GRM7: variants seen among roughly 807,000 people sequenced by gnomAD.
The protein encoded by GRM7 is glutamate metabotropic receptor 7, also known as metabotropic glutamate receptor 7.
In GRM7, 35 loss-of-function variants were observed where a neutral mutation model predicts 84.5. That is an observed-to-expected ratio of 0.41 (90% confidence interval 0.32 to 0.55). The LOEUF (loss-of-function observed/expected upper bound fraction) is 0.55, where lower values mean the gene tolerates loss of function less well. Ranked by LOEUF, GRM7 falls within the 20% of genes least tolerant of loss-of-function variation. GRM7 has a pLI of 0.19. For synonymous variants in GRM7, 487 were observed against 455.1 expected, an observed-to-expected ratio of 1.07 and a Z score of -0.89; for missense variants, 1,003 against 1,194.6, an observed-to-expected ratio of 0.84 and a Z score of 2.36.
intron 1 of GRM7, among the ~76,000 whole-genome samples, chr3:7,066,038 G>A (rs1349714230): frequency 6.6e-6 from 1 of 151,754 alleles, no homozygotes; most frequent in Non-Finnish European, 1.5e-5. Context: ...GGTGCCAAGA[G>A]GAAAGTTCAT....
chr3:7,280,519 A>T (rs1699217315), intron 2 of GRM7, among the ~76,000 whole-genome samples: 1 of 152,162 alleles, frequency 6.6e-6, no homozygotes, highest in South Asian at 2.1e-4. Flanking sequence ...GTATGTGATG[A>T]CTTTGCACTT....
chr3:6,899,587 A>G (rs1696313407), intron 1 of GRM7, among the ~76,000 whole-genome samples: 1 of 152,180 alleles, frequency 6.6e-6, no homozygotes, highest in African/African-American at 2.4e-5. Flanking sequence ...CAAAATGGGA[A>G]GTCGTAAAAG....
intron 7 of GRM7, among the ~76,000 whole-genome samples, chr3:7,477,670 C>T (rs759163117): frequency 2.0e-5 from 3 of 152,082 alleles, no homozygotes; most frequent in Non-Finnish European, 4.4e-5. Flanking sequence ...ATGTGATCAA[C>T]GCGAAGAAAC....
intron 7 of GRM7, among the ~76,000 whole-genome samples, chr3:7,467,748 A>ATATTTATT (rs1698521343): frequency 1.3e-5 from 2 of 152,330 alleles, no homozygotes; most frequent in Non-Finnish European, 1.5e-5. Context: ...CAATAAATTA[A>ATATTTATT]GACAATTTAT....
chr3:7,305,160 C>T (rs1213058268), intron 3 of GRM7, among the ~76,000 whole-genome samples: 1 of 152,160 alleles, frequency 6.6e-6, no homozygotes, highest in East Asian at 1.9e-4. Context: ...AGTGTCTTAA[C>T]ATTTCAATTT....
At chr3:7,690,562 C>A (rs940219220) in intron 9 of GRM7, among the ~76,000 whole-genome samples, 3 of 152,152 alleles carry the variant, frequency 2.0e-5, no homozygotes, top group African/African-American at 7.2e-5. Flanking sequence ...TGTACAGCTC[C>A]TGAAATGGGT....
At chr3:7,430,343 G>C (rs1696776467) in intron 5 of GRM7, among the ~76,000 whole-genome samples, 1 of 152,188 alleles carries the variant, frequency 6.6e-6, no homozygotes, top group Non-Finnish European at 1.5e-5. Flanking sequence ...AGAGCTGTTA[G>C]ATTTCATACA....
intron 2 of GRM7, among the ~76,000 whole-genome samples, chr3:7,160,475 G>A (rs1358902571): frequency 1.3e-5 from 2 of 152,072 alleles, no homozygotes; most frequent in East Asian, 3.9e-4. Flanking sequence ...GATTCCATCT[G>A]ATCACCCTCA....
intron 4 of GRM7, among the ~76,000 whole-genome samples, chr3:7,380,563 A>G (rs1694548584): frequency 6.6e-6 from 1 of 152,206 alleles, no homozygotes; most frequent in South Asian, 2.1e-4. Context: ...CAGTCTAAAC[A>G]GCTTCTTTGG....
intron 1 of GRM7, among the ~76,000 whole-genome samples, chr3:6,948,409 G>C (rs1358748995): frequency 6.6e-6 from 1 of 152,160 alleles, no homozygotes; most frequent in Non-Finnish European, 1.5e-5. Context: ...ATTGCACTGT[G>C]GTCTGAGAGA....
intron 4 of GRM7, among the ~76,000 whole-genome samples, chr3:7,349,374 A>G (rs541193291): frequency 3.9e-5 from 6 of 152,156 alleles, no homozygotes; most frequent in East Asian, 1.9e-4. Context: ...TGGGCTTGTC[A>G]TGCAGAACTC....
intron 2 of GRM7, among the ~76,000 whole-genome samples, chr3:7,191,796 A>T (rs191050283): frequency 2.9e-4 from 44 of 152,008 alleles, no homozygotes; most frequent in Non-Finnish European, 1.0e-4. Flanking sequence ...AGTTGTGCTG[A>T]TTGTGGTAGT....
chr3:7,642,681 G>C (rs546061882), intron 8 of GRM7, among the ~76,000 whole-genome samples: 2 of 152,216 alleles, frequency 1.3e-5, no homozygotes, highest in African/African-American at 4.8e-5. Flanking sequence ...GGTAATCCAG[G>C]CTCAGTCTCA....
At chr3:7,489,271 A>ATGTTATCCCTTTCTTCTCCTTCCGTT (rs1407828737) in intron 7 of GRM7, among the ~76,000 whole-genome samples, 15 of 152,262 alleles carry the variant, frequency 9.9e-5, no homozygotes, top group Admixed American at 2.0e-4. Context: ...GAACTAGAAA[A>ATGTTATCCCTTTCTTCTCCTTCCGTT]TGTTATCCCT....
intron 2 of GRM7, among the ~76,000 whole-genome samples, chr3:7,210,246 A>T (rs1008534026): frequency 1.3e-5 from 2 of 152,194 alleles, no homozygotes; most frequent in African/African-American, 2.4e-5. Flanking sequence ...AAGTATTATC[A>T]GCTTAAACAA....
chr3:7,436,541 A>G (rs956003710), intron 5 of GRM7, among the ~76,000 whole-genome samples: 2 of 152,170 alleles, frequency 1.3e-5, no homozygotes, highest in Non-Finnish European at 2.9e-5. Context: ...TTCATTATAT[A>G]ACAACTAATG....
chr3:7,532,244 G>A (rs775402276), intron 7 of GRM7, among the ~76,000 whole-genome samples: 22 of 152,030 alleles, frequency 1.4e-4, no homozygotes, highest in East Asian at 1.9e-4. Flanking sequence ...CTGTGAATCC[G>A]TTTGGTCGGG....
At chr3:7,230,649 G>A (rs1021412209) in intron 2 of GRM7, among the ~76,000 whole-genome samples, 5 of 152,174 alleles carry the variant, frequency 3.3e-5, no homozygotes, top group African/African-American at 9.7e-5. Context: ...ATGGGTCAGC[G>A]GCTTAATGCA....
intron 2 of GRM7, among the ~76,000 whole-genome samples, chr3:7,242,539 A>C (rs1697599244): frequency 6.6e-6 from 1 of 152,188 alleles, no homozygotes; most frequent in South Asian, 2.1e-4. Context: ...ATTATTTTGC[A>C]CATATGAATG....
Sources: gnomAD v4.1 joint callset for allele counts (sites outside exome capture counted in the v4.1 genomes callset) on GRCh38, gnomAD v4.1.1 for gene constraint, MANE v1.5 for transcripts, NCBI Gene and HGNC (gene_info 2026-07-23, HGNC 2026-07-21) for gene names.